Variants in EIF5A2 observed in about 807,000 individuals in gnomAD.
EIF5A2 encodes the protein eukaryotic translation initiation factor 5A-2.
A neutral mutation model predicts 16.4 loss-of-function variants in EIF5A2; 15 were observed. The observed-to-expected ratio is 0.92, with a 90% confidence interval of 0.61 to 1.41. The LOEUF (loss-of-function observed/expected upper bound fraction) is 1.41. EIF5A2 is among the 40% of genes most tolerant of loss of function. EIF5A2 has a pLI of 0.00. For synonymous variants in EIF5A2, 48 were observed against 61.1 expected (o/e 0.79, Z 1.00); for missense variants, 144 against 189.5 (o/e 0.76, Z 1.41).
At position 170,905,015 on chromosome 3, in the gene EIF5A2, G is replaced by A. The variant is rs1227602458; in HGVS notation, c.270+1974C>T. Among the ~76,000 whole-genome samples the A allele has an allele frequency of 4.6e-5, 7 of 152,146 alleles. No individual in the cohort carries two copies. The South Asian group carries it at 8.3e-4, about 18-fold the overall frequency. The stretch of plus-strand genomic sequence containing the variant: ...CATCCTCTTATCCACTTTGCAGTGC[G>A]GAGTACATACCAAGGGTTGGGACAA... On this transcript the variant is annotated intron_variant, in intron 3 of 4. Coordinates refer to ENST00000295822, the MANE Select transcript of EIF5A2 (RefSeq NM_020390.6).
At chr3:170,908,240 A>G (rs1439818915) in intron 1 of EIF5A2, among the ~76,000 whole-genome samples, 1 of 152,124 alleles carries the variant, frequency 6.6e-6, no homozygotes, top group Non-Finnish European at 1.5e-5. Flanking sequence ...GCGGGGTAAC[A>G]GAACCTGGCC....
At position 170,891,758 on chromosome 3, in the gene EIF5A2, T is replaced by G. The variant is rs2108291146; in HGVS notation, c.*1602A>C. ...CTCCAATATGATGATTGTCACTGAG[T>G]CAAAGGTCCTCACAAACCCTGTAAT... On this transcript the variant is annotated 3_prime_UTR_variant, in exon 5 of 5. Coordinates refer to ENST00000295822, the MANE Select transcript of EIF5A2 (RefSeq NM_020390.6). 1 of 152,558 alleles carries G rather than the reference T, an allele frequency of 6.6e-6. No homozygotes were observed. Among genetic ancestry groups the G allele is most frequent in the East Asian group, 1.9e-4 (1 of 5,188 alleles). 9.5% of individuals were successfully genotyped at this position (152,558 alleles called of 1,614,324 possible). A position where few individuals can be genotyped will look rare whatever the true frequency, so the allele number is the denominator to read the frequency against.
intron 3 of EIF5A2, among the ~76,000 whole-genome samples, chr3:170,895,571 C>A (rs1197435065): frequency 1.3e-5 from 2 of 152,128 alleles, no homozygotes; most frequent in African/African-American, 4.8e-5. Context: ...GTCCTTGAAC[C>A]CCTGTAACCA....
Position 170,889,566 on chromosome 3 carries a change from G to C in EIF5A2, c.*3794C>G, listed in dbSNP as rs2108290192. The C allele has an allele frequency of 6.6e-6, 1 of 152,540 alleles. No individual in the cohort carries two copies. The highest frequency in any genetic ancestry group is 1.9e-4 in the East Asian group (1 of 5,186). The allele number at this position is 152,540 out of a possible 1,614,324, so 9.4% of individuals were successfully genotyped here. A position where few individuals can be genotyped will look rare whatever the true frequency, so the allele number is the denominator to read the frequency against. On this transcript the variant is annotated 3_prime_UTR_variant, in exon 5 of 5. Coordinates refer to ENST00000295822, the MANE Select transcript of EIF5A2 (RefSeq NM_020390.6). Reference sequence around the variant, plus strand: ...TTATGCCTAACTGATGTTAAAATGAGAGCTGCTGATCAGTACAATATACTG... The same window carrying C: ...TTATGCCTAACTGATGTTAAAATGACAGCTGCTGATCAGTACAATATACTG...
intron 4 of EIF5A2, among the ~76,000 whole-genome samples, chr3:170,893,946 G>C (rs1467628291): frequency 6.6e-6 from 1 of 151,748 alleles, no homozygotes; most frequent in Non-Finnish European, 1.5e-5. Flanking sequence ...GGGGAGAATC[G>C]CTTGAACCTG....
In EIF5A2 at chr3:170,890,138, A is replaced by G. The variant is rs1560008010; in HGVS notation, c.*3222T>C. On this transcript the variant is annotated 3_prime_UTR_variant, in exon 5 of 5. Coordinates refer to ENST00000295822, the MANE Select transcript of EIF5A2 (RefSeq NM_020390.6). ...AGAAATATTCTAATTGAGAAACCTT[A>G]AAGTACAAAAACAAGTTGTGGAAAG... The G allele has an allele frequency of 6.6e-6, 1 of 152,512 alleles. No homozygotes were observed. Among genetic ancestry groups the G allele is most frequent in the East Asian group, 1.9e-4 (1 of 5,194 alleles). 9.4% of individuals were successfully genotyped at this position (152,512 alleles called of 1,614,324 possible).
chr3:170,905,357 T>G (rs1168322705), intron 3 of EIF5A2, among the ~76,000 whole-genome samples: 1 of 152,194 alleles, frequency 6.6e-6, no homozygotes, highest in Non-Finnish European at 1.5e-5. Context: ...AGTCTTGAGC[T>G]CCAATCAATG....
intron 3 of EIF5A2, among the ~76,000 whole-genome samples, chr3:170,900,604 A>T (rs1223716817): frequency 6.6e-6 from 1 of 152,178 alleles, no homozygotes; most frequent in Non-Finnish European, 1.5e-5. Context: ...TGTGAGAATA[A>T]ATAAGGACAC....
chr3:170,907,879 T>C (rs754372229), intron 1 of EIF5A2, 38 bp from the exon 2 acceptor site: 13 of 1,419,872 alleles, frequency 9.2e-6, no homozygotes, highest in Non-Finnish European at 1.2e-5. Context: ...TAACAACGGG[T>C]ATGTAGGCAG....
intron 3 of EIF5A2, among the ~76,000 whole-genome samples, chr3:170,906,137 T>A (rs575933486): frequency 6.6e-6 from 1 of 152,294 alleles, no homozygotes. Flanking sequence ...TTAAGTCGGA[T>A]AAAACAAATA....
At chr3:170,907,295 AC>A (rs573649167) in intron 2 of EIF5A2, among the ~76,000 whole-genome samples, 4 of 152,218 alleles carry the variant, frequency 2.6e-5, no homozygotes, top group African/African-American at 4.8e-5. Flanking sequence ...ACATGTCAAG[AC>A]CCAATATAGA....
intron 3 of EIF5A2, among the ~76,000 whole-genome samples, chr3:170,903,533 AC>A (rs1309878568): frequency 6.6e-6 from 1 of 152,146 alleles, no homozygotes; most frequent in African/African-American, 2.4e-5. Context: ...TCTCATGATT[AC>A]CCTTAATGAT....
chr3:170,896,532 T>C (rs1327070098), intron 3 of EIF5A2, among the ~76,000 whole-genome samples: 1 of 152,160 alleles, frequency 6.6e-6, no homozygotes, highest in Non-Finnish European at 1.5e-5. Flanking sequence ...TGTTTAGCAG[T>C]TCCCCCCTCA....
intron 3 of EIF5A2, among the ~76,000 whole-genome samples, chr3:170,906,617 T>TGAAAA (rs1277765848): frequency 6.6e-6 from 1 of 151,920 alleles, no homozygotes; most frequent in Non-Finnish European, 1.5e-5. Flanking sequence ...GTCTGATCAG[T>TGAAAA]GAAAAGAAAC....
At chr3:170,903,181 T>C (rs1313411741) in intron 3 of EIF5A2, among the ~76,000 whole-genome samples, 4 of 152,248 alleles carry the variant, frequency 2.6e-5, no homozygotes, top group Non-Finnish European at 5.9e-5. Flanking sequence ...TTTGCCTTTC[T>C]TGCCTGCAGT....
rs933790435 is a variant in EIF5A2, at chr3:170,907,680, T to C, written c.127A>G (p.Met43Val). The C allele has an allele frequency of 1.2e-6, 2 of 1,607,334 alleles. No individual in the cohort carries two copies. Among genetic ancestry groups the C allele is most frequent in the Admixed American group, 3.3e-5 (2 of 59,882 alleles). The change falls in exon 2 of 5, where the codon ATG becomes GTG. Residue 43 changes from methionine (M) to valine (V), a missense_variant. Transcript: ENST00000295822. The stretch of plus-strand genomic sequence containing the variant: ...TGCTTTCCAGTTTTGGAAGTTGACA[T>C]CTCCACTATTTTGCATGGTCGTCCT... Reference protein sequence around the residue: ...LKGRPCKIVEMSTSKTGKHGH... With the variant: ...LKGRPCKIVEVSTSKTGKHGH...
rs1207067484 is a variant in EIF5A2, at chr3:170,888,678, A to G, written c.*4682T>C. ...CAGGTAAAAGCAATAGTTCTCCTGT[A>G]TCTAAGAAAAAAAAATGTATTACTA... On this transcript the variant is annotated 3_prime_UTR_variant, in exon 5 of 5. Transcript: ENST00000295822. 1 of 152,582 alleles carries G rather than the reference A, an allele frequency of 6.6e-6. No individual in the cohort carries two copies. Among genetic ancestry groups the G allele is most frequent in the Non-Finnish European group, 1.5e-5 (1 of 67,996 alleles). The allele number at this position is 152,582 out of a possible 1,614,324, so 9.5% of individuals were successfully genotyped here.
intron 3 of EIF5A2, among the ~76,000 whole-genome samples, chr3:170,900,166 T>C (rs1444485188): frequency 6.6e-6 from 1 of 150,876 alleles, no homozygotes; most frequent in Non-Finnish European, 1.5e-5. Flanking sequence ...AGGTCAGGAG[T>C]CCGAGACCAA....
At chr3:170,903,401 GCTGAATGGTA>G (rs1430939127) in intron 3 of EIF5A2, among the ~76,000 whole-genome samples, 3 of 152,310 alleles carry the variant, frequency 2.0e-5, no homozygotes, top group Middle Eastern at 3.4e-3. Flanking sequence ...TATGGCACCT[GCTGAATGGTA>G]CTTTGTTGGC....
Sources: gnomAD v4.1 joint callset for allele counts (sites outside exome capture counted in the v4.1 genomes callset) on GRCh38, gnomAD v4.1.1 for gene constraint, MANE v1.5 for transcripts, NCBI Gene and HGNC (gene_info 2026-07-23, HGNC 2026-07-21) for gene names.